The following CAPN5 variants were observed in gnomAD, a reference collection of about 807,000 sequenced individuals.
CAPN5 encodes calpain 5, also known as calpain-5.
A neutral mutation model predicts 73.0 loss-of-function variants in CAPN5; 54 were observed. The observed-to-expected ratio is 0.74, with a 90% CI of 0.59 to 0.93. The LOEUF (loss-of-function observed/expected upper bound fraction) is 0.93, where lower values mean the gene tolerates loss of function less well. CAPN5 is among the 40% of genes least tolerant of loss of function. The probability of loss-of-function intolerance (pLI) is 0.00; values close to 1 mark genes in which losing one functional copy is unlikely to be tolerated. For missense variants in CAPN5, 785 were observed against 882.9 expected, an observed-to-expected ratio of 0.89 and a Z score of 1.41; for synonymous variants, 335 against 356.9, an observed-to-expected ratio of 0.94 and a Z score of 0.69.
At chr11:77,102,944 C>T (rs368926826) in intron 3 of CAPN5, 190 of 1,613,056 alleles carry the variant, frequency 1.2e-4, no homozygotes, top group Non-Finnish European at 1.4e-4. Flanking sequence ...TGAAGCAGCG[C>T]GGGGAGAAGC....
intron 3 of CAPN5, among the ~76,000 whole-genome samples, chr11:77,106,273 C>A (rs535628890): frequency 6.6e-6 from 1 of 150,758 alleles, no homozygotes; most frequent in South Asian, 2.1e-4. Context: ...CAACCCCCAC[C>A]CCCGGTCTCT....
intron 1 of CAPN5, chr11:77,072,912 G>C (rs1274393413): frequency 8.4e-6 from 3 of 359,230 alleles, no homozygotes; most frequent in African/African-American, 2.1e-5. Context: ...GGCCAGAGAG[G>C]GCAGGAGCTT....
intron 4 of CAPN5, among the ~76,000 whole-genome samples, chr11:77,113,791 G>A (rs1300253499): frequency 6.6e-6 from 1 of 151,566 alleles, no homozygotes; most frequent in Non-Finnish European, 1.5e-5. Context: ...CAGTTTCATT[G>A]TGGTAAAATA....
chr11:77,102,252 G>C (rs1445474400), intron 3 of CAPN5, among the ~76,000 whole-genome samples: 1 of 152,180 alleles, frequency 6.6e-6, no homozygotes, highest in African/African-American at 2.4e-5. Context: ...AAGGGTCCCG[G>C]GGTGTTTGGG....
At chr11:77,110,754 T>C (rs1555040650) in intron 3 of CAPN5, among the ~76,000 whole-genome samples, 1 of 152,210 alleles carries the variant, frequency 6.6e-6, no homozygotes, top group East Asian at 1.9e-4. Context: ...TTAGGGAGCA[T>C]TTCCCTTTGC....
intron 3 of CAPN5, among the ~76,000 whole-genome samples, chr11:77,102,284 G>T (rs1950293255): frequency 6.6e-6 from 1 of 152,184 alleles, no homozygotes; most frequent in Non-Finnish European, 1.5e-5. Context: ...ACAGGCTTTG[G>T]TGATTGGGTG....
chr11:77,103,453 G>A (rs1431656414), intron 3 of CAPN5: 1 of 1,175,298 alleles, frequency 8.5e-7, no homozygotes, highest in Non-Finnish European at 1.2e-6. Context: ...TGCTTGCCCA[G>A]AGGCCCCCTG....
intron 2 of CAPN5, among the ~76,000 whole-genome samples, chr11:77,086,136 C>T (rs556241448): frequency 3.9e-5 from 6 of 152,320 alleles, no homozygotes; most frequent in Non-Finnish European, 7.3e-5. Flanking sequence ...GATGCTCGAC[C>T]TTGCTCTGTG....
At chr11:77,096,332 G>T (rs1223031441) in intron 3 of CAPN5, among the ~76,000 whole-genome samples, 4 of 152,178 alleles carry the variant, frequency 2.6e-5, no homozygotes, top group Non-Finnish European at 5.9e-5. Context: ...ATTCTGGCCG[G>T]GTCTCCTGCT....
At chr11:77,075,306 G>T (rs1054720164) in intron 1 of CAPN5, among the ~76,000 whole-genome samples, 1 of 152,170 alleles carries the variant, frequency 6.6e-6, no homozygotes, top group Non-Finnish European at 1.5e-5. Flanking sequence ...AGGTGCAGAG[G>T]AAACCTTGCA....
In CAPN5 at chr11:77,112,806, C is replaced by T; in HGVS notation, c.506+9C>T. On this transcript the variant is annotated intron_variant, in intron 4 of 12. Coordinates refer to ENST00000648180, the MANE Select transcript of CAPN5 (RefSeq NM_004055.5). ...GAGAAGGCCTATGCCAAGTAGGTGC[C>T]AGCAGCAGGCAGGTGGGTGGGAGGC... The T allele has an allele frequency of 6.2e-7, 1 of 1,613,706 alleles. No homozygotes were observed. The highest frequency in any genetic ancestry group is 8.5e-7 in the Non-Finnish European group (1 of 1,179,722).
chr11:77,099,698 G>C (rs1555038385), intron 3 of CAPN5, among the ~76,000 whole-genome samples: 1 of 150,718 alleles, frequency 6.6e-6, no homozygotes, highest in African/African-American at 2.4e-5. Flanking sequence ...CCACATGAGA[G>C]GGAGACCGTG....
At chr11:77,103,988 A>T (rs1950317485) in intron 3 of CAPN5, among the ~76,000 whole-genome samples, 2 of 152,060 alleles carry the variant, frequency 1.3e-5, no homozygotes, top group South Asian at 4.1e-4. Context: ...GTGAAGGGGG[A>T]GGTTACACAG....
rs1950174583 is a variant in CAPN5 at position 77,093,584 on chromosome 11, G to A, written c.166-98G>A. 1.6e-5 allele frequency: 14 copies of A among 855,000 alleles called. No homozygotes were observed. In the Middle Eastern group the frequency reaches 9.3e-4, roughly 57 times the overall value. The allele number at this position is 855,000 out of a possible 1,614,324, so 53.0% of individuals were successfully genotyped here. A position where few individuals can be genotyped will look rare whatever the true frequency, so the allele number is the denominator to read the frequency against. On this transcript the variant is annotated intron_variant, in intron 2 of 12. Coordinates refer to ENST00000648180, the MANE Select transcript of CAPN5 (RefSeq NM_004055.5). ...CACCATGCTGATGATCACACAGCAA[G>A]TCTGTGTCTGTCACGTCTGTGTCTG...
Position 77,084,950 on chromosome 11 carries a change from C to A in CAPN5, c.64C>A (p.Arg22Ser), listed in dbSNP as rs781837640. The A allele has an allele frequency of 6.2e-7, 1 of 1,613,756 alleles. No homozygotes were observed. The highest frequency in any genetic ancestry group is 2.2e-5 in the East Asian group (1 of 44,876). The change falls in exon 2 of 13, where the codon CGC (arginine) becomes AGC (serine). Residue 22 changes from arginine to serine, a missense_variant. By Grantham distance (110) the Arg-to-Ser change is moderately radical. Transcript: ENST00000648180. ...NYSALRRDCRRRKVLFEDPLF... is the reference protein window; with the variant it reads ...NYSALRRDCRSRKVLFEDPLF... Reference sequence around the variant, plus strand: ...CTCAGCCCTGAGGCGGGACTGCCGGCGCAGGAAGGTGCTCTTCGAGGACCC... The same window carrying A: ...CTCAGCCCTGAGGCGGGACTGCCGGAGCAGGAAGGTGCTCTTCGAGGACCC...
rs993119039 is a variant in CAPN5 at position 77,118,048 on chromosome 11, T to C, written c.972-109T>C. 9.9e-5 allele frequency: 96 copies of C among 972,066 alleles called. No homozygotes were observed. In the African/African-American group the frequency reaches 1.4e-3, roughly 14 times the overall value. The allele number at this position is 972,066 out of a possible 1,614,324, so 60.2% of individuals were successfully genotyped here. On this transcript the variant is annotated intron_variant, in intron 7 of 12. Coordinates refer to ENST00000648180, the MANE Select transcript of CAPN5 (RefSeq NM_004055.5). ...TTAGCTCCCCTCTCAAAGCCAGCTG[T>C]GTTCTCTCACCTCTGGGCCATATGG...
intron 5 of CAPN5, 68 bp downstream of exon 5, chr11:77,114,502 C>T (rs1327282506): frequency 3.6e-6 from 5 of 1,394,780 alleles, no homozygotes; most frequent in East Asian, 2.3e-5. Flanking sequence ...TGGGAGACAA[C>T]TGTGACATCC....
intron 2 of CAPN5, chr11:77,088,187 A>T: frequency 2.3e-3 from 1,792 of 790,354 alleles, no homozygotes; most frequent in Non-Finnish European, 3.0e-3. Flanking sequence ...GGGGTGGGGG[A>T]GGGGGACTAA....
At chr11:77,087,947 T>C (rs1418438786) in intron 2 of CAPN5, 6 of 1,535,912 alleles carry the variant, frequency 3.9e-6, no homozygotes, top group Non-Finnish European at 5.2e-6. Flanking sequence ...TCCAGTACAG[T>C]GGCCATTCGC....
Sources: gnomAD v4.1 joint callset for allele counts (sites outside exome capture counted in the v4.1 genomes callset) on GRCh38, gnomAD v4.1.1 for gene constraint, MANE v1.5 for transcripts, NCBI Gene and HGNC (gene_info 2026-07-23, HGNC 2026-07-21) for gene names.